The following PGM5 variants were observed in gnomAD, a reference collection of about 807,000 sequenced individuals.
The protein encoded by PGM5 is phosphoglucomutase-like protein 5.
In PGM5, 23 loss-of-function variants were observed where a neutral mutation model predicts 59.2. That is an observed-to-expected ratio of 0.39 (90% CI 0.28 to 0.55). The LOEUF is 0.55. Among genes scored for constraint, PGM5 ranks in the 20% least tolerant of loss-of-function variants. The probability of loss-of-function intolerance (pLI) is 0.66; values close to 1 mark genes in which losing one functional copy is unlikely to be tolerated. For synonymous variants in PGM5, 214 were observed against 286.0 expected (o/e 0.75, Z 2.54); for missense variants, 574 against 748.3 (o/e 0.77, Z 2.72).
intron 6 of PGM5, among the ~76,000 whole-genome samples, chr9:68,431,037 C>T (rs782109215): frequency 6.6e-5 from 10 of 152,160 alleles, no homozygotes; most frequent in Non-Finnish European, 1.3e-4. Flanking sequence ...AATCCTGGGC[C>T]TTATGTCACC....
chr9:68,464,646 C>T (rs1312333147), intron 6 of PGM5: 1 of 154,464 alleles, frequency 6.5e-6, no homozygotes, highest in Non-Finnish European at 1.4e-5. Flanking sequence ...TGTGTGTGTG[C>T]ACACGTGTGT....
intron 9 of PGM5, among the ~76,000 whole-genome samples, chr9:68,493,654 A>T (rs1409803100): frequency 6.6e-6 from 1 of 152,214 alleles, no homozygotes; most frequent in African/African-American, 2.4e-5. Flanking sequence ...ATTATTTTTC[A>T]ACTGCTTTTT....
intron 6 of PGM5, among the ~76,000 whole-genome samples, chr9:68,415,193 C>T (rs1386925493): frequency 2.7e-5 from 4 of 149,040 alleles, no homozygotes; most frequent in African/African-American, 7.8e-5. Flanking sequence ...GTCCGGTGTC[C>T]AGTTGCTCCT....
At chr9:68,428,131 A>T (rs1208524443) in intron 6 of PGM5, among the ~76,000 whole-genome samples, 1 of 152,196 alleles carries the variant, frequency 6.6e-6, no homozygotes, top group Non-Finnish European at 1.5e-5. Flanking sequence ...AACACACTTG[A>T]ACTTATAAAC....
intron 10 of PGM5, 66 bp downstream of exon 10, chr9:68,499,427 G>A: frequency 1.3e-6 from 2 of 1,528,876 alleles, no homozygotes; most frequent in Non-Finnish European, 1.8e-6. Flanking sequence ...AGAGCTCCAT[G>A]GGCCTTTAGT....
intron 1 of PGM5, among the ~76,000 whole-genome samples, chr9:68,360,551 T>A (rs1470729331): frequency 2.1e-4 from 31 of 150,380 alleles, no homozygotes; most frequent in Admixed American, 1.9e-3. Context: ...GAAGCTATAG[T>A]TGTTGATTTG....
chr9:68,491,535 A>T (rs1554687864), intron 9 of PGM5, among the ~76,000 whole-genome samples: 1 of 152,240 alleles, frequency 6.6e-6, no homozygotes, highest in East Asian at 1.9e-4. Context: ...TAGTTGGGGA[A>T]AATAAAGACA....
At chr9:68,448,480 C>A (rs1258328908) in intron 6 of PGM5, among the ~76,000 whole-genome samples, 2 of 152,180 alleles carry the variant, frequency 1.3e-5, no homozygotes, top group African/African-American at 4.8e-5. Flanking sequence ...CCTGCATTAA[C>A]CAGGACCTCT....
At chr9:68,484,467 G>A (rs1183661067) in intron 9 of PGM5, among the ~76,000 whole-genome samples, 2 of 150,732 alleles carry the variant, frequency 1.3e-5, no homozygotes, top group African/African-American at 2.4e-5. Flanking sequence ...TTGAGCCCAA[G>A]AGGTCAAGTC....
intron 7 of PGM5, among the ~76,000 whole-genome samples, chr9:68,471,691 G>A (rs923261990): frequency 2.6e-5 from 4 of 151,806 alleles, no homozygotes; most frequent in Admixed American, 1.3e-4. Context: ...AAGCCAAGGC[G>A]GGTGAACTCC....
intron 1 of PGM5, among the ~76,000 whole-genome samples, chr9:68,371,139 G>A (rs1454089619): frequency 6.6e-6 from 1 of 152,152 alleles, no homozygotes; most frequent in Non-Finnish European, 1.5e-5. Context: ...AATGGCAGTA[G>A]CATCCACTTG....
chr9:68,460,490 G>T (rs1823843083), intron 6 of PGM5, among the ~76,000 whole-genome samples: 2 of 152,110 alleles, frequency 1.3e-5, no homozygotes, highest in African/African-American at 4.8e-5. Context: ...GGATCATTTA[G>T]TCACTGCCCC....
intron 6 of PGM5, chr9:68,429,111 C>T (rs1158366142): frequency 6.6e-6 from 1 of 152,024 alleles, no homozygotes; most frequent in Non-Finnish European, 1.5e-5. Flanking sequence ...AGTTACAGTA[C>T]CAGGTTATAA....
At position 68,455,506 on chromosome 9, in the gene PGM5, A is replaced by T. The variant is rs557242258; in HGVS notation, c.1044-9587A>T. 1.6e-4 allele frequency among the ~76,000 whole-genome samples: 16 copies of T among 101,036 alleles called. No homozygotes were observed. In the South Asian group the frequency reaches 1.9e-3, roughly 12 times the overall value. 66.3% of individuals were successfully genotyped at this position (101,036 alleles called of 152,430 possible). On this transcript the variant is annotated intron_variant, in intron 6 of 10. Transcript: ENST00000396396. ...AAAGTATAAGCATCATCTCTTAGTT[A>T]AAAAAAAAAAAAAACAGGAAAGGTT...
In PGM5 at chr9:68,415,779, ATATCTATC is replaced by A. The variant is rs782447993; in HGVS notation, c.1043+23336_1043+23343del. Reference sequence around the variant, plus strand: ...GATTATAAATTTGTTAAGGCAGGGAATATCTATCTATCTATCTATCTATCTATCTATCT... The same window carrying A: ...GATTATAAATTTGTTAAGGCAGGGAATATCTATCTATCTATCTATCTATCT... On this transcript the variant is annotated intron_variant, in intron 6 of 10. Coordinates refer to ENST00000396396, the MANE Select transcript of PGM5 (RefSeq NM_021965.4). 9.0e-4 allele frequency among the ~76,000 whole-genome samples: 30 copies of A among 33,286 alleles called. 2 individuals carry two copies. The highest frequency in any genetic ancestry group is 1.6e-3 in the South Asian group (1 of 628). 21.8% of individuals were successfully genotyped at this position (33,286 alleles called of 152,430 possible).
At chr9:68,429,897 A>T (rs1440560883) in intron 6 of PGM5, among the ~76,000 whole-genome samples, 1 of 152,132 alleles carries the variant, frequency 6.6e-6, no homozygotes, top group Non-Finnish European at 1.5e-5. Context: ...ATGGACTTGA[A>T]CCTCACAGTC....
At chr9:68,376,238 G>A (rs12346451) in intron 1 of PGM5, among the ~76,000 whole-genome samples, 2,503 of 152,166 alleles carry the variant, frequency 0.016, 41 homozygotes, top group African/African-American at 0.055. Context: ...ATGGATTCTG[G>A]TTGTACTTAG....
At chr9:68,361,572 T>C (rs1301126755) in intron 1 of PGM5, among the ~76,000 whole-genome samples, 1 of 152,260 alleles carries the variant, frequency 6.6e-6, no homozygotes, top group Non-Finnish European at 1.5e-5. Context: ...TGATATCTGG[T>C]TAGGACCAAC....
At chr9:68,459,424 T>A (rs989704714) in intron 6 of PGM5, among the ~76,000 whole-genome samples, 9 of 152,210 alleles carry the variant, frequency 5.9e-5, no homozygotes, top group African/African-American at 1.7e-4. Context: ...GTTTTGTCTA[T>A]TTTTGAATGG....
Sources: gnomAD v4.1 joint callset for allele counts (sites outside exome capture counted in the v4.1 genomes callset) on GRCh38, gnomAD v4.1.1 for gene constraint, MANE v1.5 for transcripts, NCBI Gene and HGNC (gene_info 2026-07-23, HGNC 2026-07-21) for gene names.